LEKR1: variants seen among roughly 807,000 people sequenced by gnomAD.
LEKR1 encodes leucine, glutamate and lysine rich 1, also known as protein LEKR1.
LEKR1 carries 59 observed loss-of-function variants against 72.4 expected under a neutral mutation model. That is an observed-to-expected ratio of 0.82 (90% confidence interval 0.66 to 1.01). The LOEUF (loss-of-function observed/expected upper bound fraction) is 1.01. Among genes scored for constraint, LEKR1 ranks in the 50% least tolerant of loss-of-function variants. The probability of loss-of-function intolerance (pLI) is 0.00; values close to 1 mark genes in which losing one functional copy is unlikely to be tolerated. For missense variants in LEKR1, 728 were observed against 759.2 expected (o/e 0.96, Z 0.48); for synonymous variants, 257 against 263.2 (o/e 0.98, Z 0.23).
intron 3 of LEKR1, among the ~76,000 whole-genome samples, chr3:156,873,569 G>A (rs965835570): frequency 4.0e-5 from 6 of 151,798 alleles, no homozygotes; most frequent in Admixed American, 2.0e-4. Flanking sequence ...CTTCATTTGT[G>A]TGTTTGCTCT....
intron 5 of LEKR1, among the ~76,000 whole-genome samples, chr3:156,933,802 G>T (rs756481841): frequency 6.6e-6 from 1 of 152,192 alleles, no homozygotes; most frequent in Non-Finnish European, 1.5e-5. Context: ...GTTATATAGT[G>T]CAGTGTATCA....
At chr3:156,997,004 G>T (rs1248510607) in intron 9 of LEKR1, among the ~76,000 whole-genome samples, 8 of 151,686 alleles carry the variant, frequency 5.3e-5, no homozygotes, top group African/African-American at 1.9e-4. Flanking sequence ...GGCGGAGGTT[G>T]CAGTGAGCCG....
chr3:156,981,042 C>G (rs959658495), intron 7 of LEKR1, among the ~76,000 whole-genome samples: 6 of 152,152 alleles, frequency 3.9e-5, no homozygotes, highest in African/African-American at 7.2e-5. Flanking sequence ...TATGCAAATA[C>G]TTACCATTGT....
chr3:156,859,468 G>T (rs1716498539), intron 3 of LEKR1, among the ~76,000 whole-genome samples: 1 of 152,054 alleles, frequency 6.6e-6, no homozygotes. Flanking sequence ...GCAGTTTTAA[G>T]TTCACAGCAA....
At chr3:156,906,232 G>A (rs749296082) in intron 3 of LEKR1, among the ~76,000 whole-genome samples, 15 of 152,014 alleles carry the variant, frequency 9.9e-5, no homozygotes, top group South Asian at 2.1e-4. Flanking sequence ...AATATTAATC[G>A]ATAATCCACA....
intron 3 of LEKR1, among the ~76,000 whole-genome samples, chr3:156,887,565 T>A (rs1248727925): frequency 6.6e-6 from 1 of 152,166 alleles, no homozygotes; most frequent in East Asian, 1.9e-4. Context: ...TTTTGAAAAA[T>A]ATTTTAATGA....
intron 7 of LEKR1, among the ~76,000 whole-genome samples, chr3:156,981,132 G>A (rs372485729): frequency 6.6e-6 from 1 of 152,162 alleles, no homozygotes; most frequent in African/African-American, 2.4e-5. Context: ...ATATCGTATA[G>A]CCTACGTGTG....
chr3:156,890,689 T>C (rs1720558481), intron 3 of LEKR1, among the ~76,000 whole-genome samples: 3 of 152,210 alleles, frequency 2.0e-5, no homozygotes, highest in African/African-American at 7.2e-5. Context: ...GTAAGTTTAA[T>C]GTAACTTTAT....
chr3:156,873,003 T>C (rs565194623), intron 3 of LEKR1, among the ~76,000 whole-genome samples: 1 of 152,116 alleles, frequency 6.6e-6, no homozygotes, highest in African/African-American at 2.4e-5. Flanking sequence ...TTTGTTAATT[T>C]TCTGTTTCAT....
At chr3:156,884,618 T>C (rs914851549) in intron 3 of LEKR1, among the ~76,000 whole-genome samples, 1 of 152,230 alleles carries the variant, frequency 6.6e-6, no homozygotes, top group Admixed American at 6.5e-5. Context: ...CAATCCCTTC[T>C]GGCTTGTAAG....
At chr3:157,020,129 G>C (rs1330773523) in intron 10 of LEKR1, among the ~76,000 whole-genome samples, 3 of 151,858 alleles carry the variant, frequency 2.0e-5, no homozygotes, top group Non-Finnish European at 4.4e-5. Flanking sequence ...TAGTTCAGGG[G>C]CAACAAGATC....
intron 7 of LEKR1, among the ~76,000 whole-genome samples, 170 bp from the exon 8 acceptor site, chr3:156,992,483 C>T (rs1209792193): frequency 1.3e-5 from 2 of 152,090 alleles, no homozygotes; most frequent in Non-Finnish European, 1.5e-5. Context: ...ATCAGTCTGA[C>T]AGAAGCTTTG....
intron 6 of LEKR1, among the ~76,000 whole-genome samples, chr3:156,974,451 A>C (rs1280910990): frequency 1.3e-5 from 2 of 152,150 alleles, no homozygotes; most frequent in Non-Finnish European, 2.9e-5. Flanking sequence ...ACCCATATTA[A>C]AAACGAAACA....
At chr3:156,996,401 G>C (rs1192714349) in intron 9 of LEKR1, among the ~76,000 whole-genome samples, 3 of 152,132 alleles carry the variant, frequency 2.0e-5, no homozygotes, top group Non-Finnish European at 4.4e-5. Flanking sequence ...GCAGGGTAGC[G>C]TGGCTAGTGG....
intron 3 of LEKR1, among the ~76,000 whole-genome samples, chr3:156,905,211 T>G (rs1722415603): frequency 6.6e-6 from 1 of 152,126 alleles, no homozygotes. Context: ...GATCCTTAAC[T>G]CAATAGGGCA....
intron 10 of LEKR1, among the ~76,000 whole-genome samples, chr3:157,015,947 T>C (rs377428802): frequency 9.2e-5 from 14 of 152,268 alleles, no homozygotes; most frequent in South Asian, 8.3e-4. Context: ...ATTGGATTGA[T>C]GGCAGATTAG....
chr3:156,972,126 T>C (rs1388813366), intron 6 of LEKR1, among the ~76,000 whole-genome samples: 1 of 151,896 alleles, frequency 6.6e-6, no homozygotes, highest in Non-Finnish European at 1.5e-5. Context: ...ATTAAGAAAA[T>C]ATGGCACATA....
chr3:157,037,165 A>T (rs750185588), intron 12 of LEKR1, among the ~76,000 whole-genome samples: 1 of 152,152 alleles, frequency 6.6e-6, no homozygotes, highest in Non-Finnish European at 1.5e-5. Flanking sequence ...CAAACTGAAA[A>T]ACAAAGAAGT....
At chr3:156,969,653 C>A (rs9880015) in intron 6 of LEKR1, among the ~76,000 whole-genome samples, 5,909 of 152,132 alleles carry the variant, frequency 0.039, 426 homozygotes, top group African/African-American at 0.14. Context: ...CAAAAAAAGT[C>A]CAGGACCAGA....
Sources: gnomAD v4.1 joint callset for allele counts (sites outside exome capture counted in the v4.1 genomes callset) on GRCh38, gnomAD v4.1.1 for gene constraint, MANE v1.5 for transcripts, NCBI Gene and HGNC (gene_info 2026-07-23, HGNC 2026-07-21) for gene names.